ZNF500: variants seen among roughly 807,000 people sequenced by gnomAD.
ZNF500 encodes zinc finger protein with KRAB and SCAN domains 18.
A neutral mutation model predicts 30.1 loss-of-function variants in ZNF500; 31 were observed. The observed-to-expected ratio is 1.03, with a 90% confidence interval of 0.77 to 1.39. ZNF500 has a LOEUF of 1.39. Ranked by LOEUF, ZNF500 falls within the 40% of genes most tolerant of loss-of-function variation. The probability of loss-of-function intolerance (pLI) is 0.00; values close to 1 mark genes in which losing one functional copy is unlikely to be tolerated. For synonymous variants in ZNF500, 392 were observed against 282.0 expected (o/e 1.39, Z -3.91); for missense variants, 817 against 657.8 (o/e 1.24, Z -2.65).
Position 4,765,728 on chromosome 16 carries a change from C to T in ZNF500, c.251G>A (p.Arg84His), listed in dbSNP as rs772912678. 6.2e-6 allele frequency: 10 copies of T among 1,613,412 alleles called. No homozygotes were observed. Among genetic ancestry groups the T allele is most frequent in the East Asian group, 2.2e-5 (1 of 44,866 alleles). The change falls in exon 2 of 6, where the codon CGC (arginine) becomes CAC (histidine). Residue 84 changes from arginine (R) to histidine (H), a missense_variant. By Grantham distance (29) the Arg-to-His change is conservative (BLOSUM62 0). Transcript: ENST00000219478. ...LCCRWLRPELRTKEQILELLV... is the reference protein window; with the variant it reads ...LCCRWLRPELHTKEQILELLV... ...CAGCTCCAGGATCTGCTCCTTGGTG[C>T]GCAGCTCCGGCCGCAGCCAGCGGCA...
Position 4,751,091 on chromosome 16 carries a change from C to CG in ZNF500, c.*1284_*1285insC, listed in dbSNP as rs1325846431. 3 of 155,854 alleles carry CG rather than the reference C, an allele frequency of 1.9e-5. No individual in the cohort carries two copies. The highest frequency in any genetic ancestry group is 7.2e-5 in the African/African-American group (3 of 41,472). The allele number at this position is 155,854 out of a possible 1,614,324, so 9.7% of individuals were successfully genotyped here. A position where few individuals can be genotyped will look rare whatever the true frequency, so the allele number is the denominator to read the frequency against. ...AGGCTGGGATGAAGGCCAAGGCCACCTACCTATGAGGAACAACCACTGCCT... is the reference window on the plus strand; with the variant it reads ...AGGCTGGGATGAAGGCCAAGGCCACCGTACCTATGAGGAACAACCACTGCCT... On this transcript the variant is annotated 3_prime_UTR_variant, in exon 6 of 6. Transcript: ENST00000219478.
At position 4,762,631 on chromosome 16, in the gene ZNF500, C is replaced by T; in HGVS notation, c.540G>A (p.Gln180=). Reference sequence around the variant, plus strand: ...GCCTGTGGCTCAGCTGGGCTGGGGGCTGCTGGCTGGAGAATCGAGCCTCTT... The same window carrying T: ...GCCTGTGGCTCAGCTGGGCTGGGGGTTGCTGGCTGGAGAATCGAGCCTCTT... ...LEEEARFSSQ[Q]PPAQLSHRPQ... The change falls in exon 3 of 6, where the codon CAG becomes CAA. Residue 180 remains glutamine (Q), a synonymous_variant. Coordinates refer to ENST00000219478, the MANE Select transcript of ZNF500 (RefSeq NM_021646.4). The T allele has an allele frequency of 1.2e-6, 2 of 1,614,102 alleles. No individual in the cohort carries two copies. The highest frequency in any genetic ancestry group is 8.5e-7 in the Non-Finnish European group (1 of 1,179,982).
intron 2 of ZNF500, among the ~76,000 whole-genome samples, chr16:4,764,369 T>C (rs1482143044): frequency 6.6e-6 from 1 of 151,676 alleles, no homozygotes; most frequent in African/African-American, 2.4e-5. Flanking sequence ...CTACTAAAAA[T>C]ACAAAAATCA....
downstream of ZNF500, chr16:4,747,397 G>A (rs1440360088): frequency 2.5e-6 from 4 of 1,612,070 alleles, no homozygotes; most frequent in African/African-American, 4.0e-5. Context: ...TTCAGAAGGG[G>A]ACAGCCCAGC....
At chr16:4,759,065 C>T (rs370951371) in intron 5 of ZNF500, among the ~76,000 whole-genome samples, 2 of 143,538 alleles carry the variant, frequency 1.4e-5, no homozygotes, top group Admixed American at 7.2e-5. Flanking sequence ...AAAAATTAGC[C>T]GGGTATGGTG....
Position 4,752,995 on chromosome 16 carries a change from C to A in ZNF500, c.824G>T (p.Trp275Leu). The A allele has an allele frequency of 6.3e-7, 1 of 1,584,304 alleles. No homozygotes were observed. Among genetic ancestry groups the A allele is most frequent in the Non-Finnish European group, 8.6e-7 (1 of 1,165,282 alleles). The change falls in exon 6 of 6, where the codon TGG (tryptophan) becomes TTG (leucine). Residue 275 changes from tryptophan (W) to leucine (L), a missense_variant. Trp to Leu is a moderately conservative substitution (Grantham distance 61). Coordinates refer to ENST00000219478, the MANE Select transcript of ZNF500 (RefSeq NM_021646.4). ...GREDAPLRMEWYRVLSARCQG... is the reference protein window; with the variant it reads ...GREDAPLRMELYRVLSARCQG... ...GCATCGTGCCGAGAGCACTCGGTAC[C>A]ACTCCATTCTCAACGGGGCATCCTC...
chr16:4,746,720 C>T, downstream of ZNF500: 1 of 805,380 alleles, frequency 1.2e-6, no homozygotes, highest in Non-Finnish European at 1.9e-6. Flanking sequence ...TCGGGCTGGG[C>T]TCTATGCAAT....
chr16:4,755,546 A>T (rs2082127175), intron 5 of ZNF500, among the ~76,000 whole-genome samples: 1 of 152,086 alleles, frequency 6.6e-6, no homozygotes. Flanking sequence ...CGAACTCCTG[A>T]CCTCAGGTGA....
chr16:4,751,199 C>T lies in ZNF500; in HGVS notation c.*1177G>A, dbSNP rs1384391773. ...ACTAAACCCACCAAGGACTCTATCA[C>T]ACTGCTTGTCTTGGCCACTCACCCA... On this transcript the variant is annotated 3_prime_UTR_variant, in exon 6 of 6. Coordinates refer to ENST00000219478, the MANE Select transcript of ZNF500 (RefSeq NM_021646.4). 5.5e-6 allele frequency: 1 copy of T among 180,902 alleles called. No homozygotes were observed. Among genetic ancestry groups the T allele is most frequent in the Non-Finnish European group, 1.1e-5 (1 of 87,138 alleles). The allele number at this position is 180,902 out of a possible 1,614,324, so 11.2% of individuals were successfully genotyped here.
At chr16:4,744,743 C>A, downstream of ZNF500, 3 of 1,199,482 alleles carry the variant, frequency 2.5e-6, no homozygotes, top group Admixed American at 4.6e-5. Context: ...GAGGGCTGGG[C>A]GGGGGCAGTG....
chr16:4,746,078 T>G, downstream of ZNF500: 1 of 300,458 alleles, frequency 3.3e-6, no homozygotes, highest in Non-Finnish European at 6.1e-6. Flanking sequence ...AACTGAATGT[T>G]TTATGCATTG....
Sources: gnomAD v4.1 joint callset for allele counts (sites outside exome capture counted in the v4.1 genomes callset) on GRCh38, gnomAD v4.1.1 for gene constraint, MANE v1.5 for transcripts, NCBI Gene and HGNC (gene_info 2026-07-23, HGNC 2026-07-21) for gene names.